Variants in TFG observed in about 807,000 individuals in gnomAD.
TFG encodes the protein protein TFG.
Under a neutral mutation model 51.4 loss-of-function variants are expected in TFG, and 22 were observed. The ratio of observed to expected loss-of-function variants is 0.43; its 90% CI spans 0.31 to 0.61. The LOEUF (loss-of-function observed/expected upper bound fraction) is 0.61. Ranked by LOEUF, TFG falls within the 20% of genes least tolerant of loss-of-function variation. The probability of loss-of-function intolerance (pLI) is 0.12; values close to 1 mark genes in which losing one functional copy is unlikely to be tolerated. For missense variants in TFG, 419 were observed against 487.7 expected (o/e 0.86, Z 1.33); for synonymous variants, 187 against 165.6 (o/e 1.13, Z -0.99).
At chr3:100,717,364 T>C (rs1411586399) in intron 2 of TFG, among the ~76,000 whole-genome samples, 1 of 152,214 alleles carries the variant, frequency 6.6e-6, no homozygotes, top group East Asian at 1.9e-4. Context: ...TGTTCTTTGC[T>C]CAGTATTGCT....
At chr3:100,714,090 T>C (rs1576353543) in intron 2 of TFG, among the ~76,000 whole-genome samples, 1 of 152,072 alleles carries the variant, frequency 6.6e-6, no homozygotes, top group Admixed American at 6.5e-5. Flanking sequence ...GTATGTGTTA[T>C]TTTGCCCATT....
At chr3:100,746,093 C>G (rs1212681141) in intron 7 of TFG, among the ~76,000 whole-genome samples, 2 of 152,046 alleles carry the variant, frequency 1.3e-5, no homozygotes, top group Admixed American at 6.6e-5. Context: ...ATACATAGAA[C>G]TTAAGTTTGG....
intron 4 of TFG, among the ~76,000 whole-genome samples, 162 bp from the exon 5 acceptor site, chr3:100,732,346 A>T (rs895772338): frequency 1.3e-5 from 2 of 152,028 alleles, no homozygotes; most frequent in African/African-American, 2.4e-5. Context: ...GGAAAAATAT[A>T]AAAAAAATAA....
intron 2 of TFG, among the ~76,000 whole-genome samples, chr3:100,714,345 C>A (rs1287886670): frequency 6.6e-6 from 1 of 151,908 alleles, no homozygotes; most frequent in Non-Finnish European, 1.5e-5. Context: ...ACTAAAAATA[C>A]CAAAAATTAG....
chr3:100,729,328 T>C (rs2095084844), intron 4 of TFG, among the ~76,000 whole-genome samples: 1 of 152,176 alleles, frequency 6.6e-6, no homozygotes, highest in Non-Finnish European at 1.5e-5. Context: ...TTAAAAATGG[T>C]ATGTTGTAAA....
chr3:100,736,686 G>C lies in TFG; in HGVS notation c.691G>C (p.Gly231Arg). 1.1e-5 allele frequency: 17 copies of C among 1,613,954 alleles called. No homozygotes were observed. Among genetic ancestry groups the C allele is most frequent in the Non-Finnish European group, 1.4e-5 (16 of 1,179,954 alleles). The change falls in exon 6 of 8, where the codon GGA becomes CGA. Residue 231 changes from glycine to arginine, a missense_variant. Physicochemically the swap from Gly to Arg is moderately radical, Grantham distance 125. Around this residue, in one of 3 missense-constraint regions of TFG, gnomAD observed 391 missense variants for 434.4 expected, o/e 0.90. Transcript: ENST00000240851. ...TCAGCCACAGCAGCCACCATATACA[G>C]GAGCTCAGACTCAAGCAGGTCAGAT... ...GVQPQQPPYT[G>R]AQTQAGQIEG... is the part of the protein sequence containing the mutation.
intron 6 of TFG, among the ~76,000 whole-genome samples, chr3:100,741,876 TA>T (rs1384495037): frequency 2.0e-5 from 3 of 152,196 alleles, no homozygotes; most frequent in African/African-American, 7.2e-5. Flanking sequence ...TACAGGTTTG[TA>T]GACTGCTATG....
Position 100,724,755 on chromosome 3 carries a change from A to G in TFG, c.269-3957A>G, listed in dbSNP as rs142356585. Among the ~76,000 whole-genome samples, 53 of 152,348 alleles carry G rather than the reference A, an allele frequency of 3.5e-4. No homozygotes were observed. The East Asian group carries it at 6.9e-3, about 20-fold the overall frequency. On this transcript the variant is annotated intron_variant, in intron 3 of 7. Transcript: ENST00000240851. ...AAACACACCAGTGTCAAAATTGCTC[A>G]CCCAAGGAGTCTAAGATTGCTTTAA...
intron 3 of TFG, among the ~76,000 whole-genome samples, chr3:100,720,898 C>T (rs1052121939): frequency 5.3e-5 from 8 of 151,932 alleles, no homozygotes; most frequent in African/African-American, 1.7e-4. Flanking sequence ...AATGTGTACA[C>T]TTTTTCCGGC....
intron 2 of TFG, among the ~76,000 whole-genome samples, chr3:100,714,238 G>T (rs1241377638): frequency 6.6e-6 from 1 of 151,964 alleles, no homozygotes; most frequent in African/African-American, 2.4e-5. Context: ...AGCAGCTCAT[G>T]CCTGTAATCC....
chr3:100,713,905 T>G, intron 2 of TFG, 36 bp downstream of exon 2: 1 of 1,276,130 alleles, frequency 7.8e-7, no homozygotes, highest in Non-Finnish European at 1.0e-6. Flanking sequence ...TTAAAGTCTT[T>G]TTAAAAAAAA....
intron 5 of TFG, among the ~76,000 whole-genome samples, chr3:100,733,800 C>G (rs10936345): frequency 0.37 from 56,661 of 151,964 alleles, 10,774 homozygotes; most frequent in South Asian, 0.49. Flanking sequence ...ACATAAATAA[C>G]AAACAGAAAA....
intron 2 of TFG, among the ~76,000 whole-genome samples, chr3:100,716,215 T>C (rs2095045991): frequency 6.6e-6 from 1 of 152,156 alleles, no homozygotes; most frequent in Non-Finnish European, 1.5e-5. Flanking sequence ...CTATCCCTCT[T>C]TTCCCCTACC....
At chr3:100,710,564 C>G (rs1016078592) in intron 1 of TFG, among the ~76,000 whole-genome samples, 1 of 152,162 alleles carries the variant, frequency 6.6e-6, no homozygotes, top group Non-Finnish European at 1.5e-5. Context: ...AAGCCACAGC[C>G]TCTGAAATTG....
intron 2 of TFG, among the ~76,000 whole-genome samples, chr3:100,716,153 C>G (rs1450311580): frequency 6.6e-6 from 1 of 152,134 alleles, no homozygotes; most frequent in East Asian, 1.9e-4. Context: ...CTATAGAACA[C>G]TGGAACTACT....
intron 7 of TFG, among the ~76,000 whole-genome samples, chr3:100,746,051 A>G (rs1231184006): frequency 6.6e-6 from 1 of 152,224 alleles, no homozygotes; most frequent in Admixed American, 6.5e-5. Flanking sequence ...AGAGTGACTT[A>G]ACTTGTAGCT....
rs1315229158 is a variant in TFG, at chr3:100,748,528, A to G, written c.1200A>G (p.Arg400=). The G allele has an allele frequency of 6.2e-7, 1 of 1,609,620 alleles. No homozygotes were observed. The highest frequency in any genetic ancestry group is 1.7e-5 in the Admixed American group (1 of 59,838). Residue 400 remains arginine, a synonymous_variant, in exon 8 of 8, where the codon CGA becomes CGG. Transcript: ENST00000240851. ...ATACCCAACCTGGACCTGGTTATCGATAAGGAGGCTCCTCTACACCAATTA... is the reference window on the plus strand; with the variant it reads ...ATACCCAACCTGGACCTGGTTATCGGTAAGGAGGCTCCTCTACACCAATTA... ...QGYTQPGPGY[R]
At chr3:100,726,709 T>C (rs1188555225) in intron 3 of TFG, among the ~76,000 whole-genome samples, 3 of 152,200 alleles carry the variant, frequency 2.0e-5, no homozygotes, top group African/African-American at 7.2e-5. Flanking sequence ...ACTGACTTAC[T>C]GCAGCAAGGG....
chr3:100,732,443 T>G, intron 4 of TFG, 65 bp from the exon 5 acceptor site: 1 of 1,203,184 alleles, frequency 8.3e-7, no homozygotes, highest in South Asian at 1.4e-5. Flanking sequence ...TCCCTTGTAC[T>G]TTTAGGCCTT....
Sources: allele counts gnomAD v4.1 joint callset (sites outside exome capture counted in the v4.1 genomes callset), GRCh38; gene constraint gnomAD v4.1.1; regional missense constraint gnomAD v4.1.1; transcripts MANE v1.5; gene names NCBI Gene and HGNC (gene_info 2026-07-23, HGNC 2026-07-21).